PCDH11X: variants seen among roughly 807,000 people sequenced by gnomAD.
PCDH11X encodes the protein protocadherin-11 X-linked.
In PCDH11X, 18 loss-of-function variants were observed where a neutral mutation model predicts 53.3. The ratio of observed to expected loss-of-function variants is 0.34; its 90% CI spans 0.23 to 0.50. The LOEUF (loss-of-function observed/expected upper bound fraction) is 0.50, where lower values mean the gene tolerates loss of function less well. Among genes scored for constraint, PCDH11X ranks in the 20% least tolerant of loss-of-function variants. The probability of loss-of-function intolerance (pLI) is 0.98; values close to 1 mark genes in which losing one functional copy is unlikely to be tolerated. For synonymous variants in PCDH11X, 279 were observed against 393.3 expected (o/e 0.71, Z 3.44); for missense variants, 570 against 1,032.4 (o/e 0.55, Z 6.14).
At chrX:92,575,944 T>TATACAC (rs1363794960) in intron 10 of PCDH11X, among the ~76,000 whole-genome samples, 1 of 19,919 alleles carries the variant, frequency 5.0e-5, no homozygotes, top group Non-Finnish European at 8.2e-5. Flanking sequence ...TATATATATA[T>TATACAC]ACACACACAC....
intron 6 of PCDH11X, among the ~76,000 whole-genome samples, chrX:91,937,737 T>C (rs1425398923): frequency 2.7e-5 from 3 of 111,123 alleles, no homozygotes; most frequent in Non-Finnish European, 5.7e-5. Context: ...AGATCTTCCT[T>C]TATTCATTGT....
chrX:91,877,248 A>G lies in PCDH11X; in HGVS notation c.1008A>G (p.Pro336=). 1 of 1,075,468 alleles carries G rather than the reference A, an allele frequency of 9.3e-7. No individual in the cohort carries two copies. The highest frequency in any genetic ancestry group is 2.0e-5 in the African/African-American group (1 of 50,558). 88.6% of individuals were successfully genotyped at this position (1,075,468 alleles called of 1,213,427 possible). The change falls in exon 6 of 11, where the codon CCA becomes CCG. Residue 336 remains proline, a synonymous_variant. Transcript: ENST00000682573. The stretch of plus-strand genomic sequence containing the variant: ...TGGCAAGTGATGGTGGATTGATGCC[A>G]GCAAGAGCAATGGTGCTGGTAAATG... ...LVLASDGGLM[P]ARAMVLVNVT...
At chrX:92,228,533 G>A (rs186175807) in intron 7 of PCDH11X, among the ~76,000 whole-genome samples, 75 of 111,158 alleles carry the variant, frequency 6.7e-4, no homozygotes, top group African/African-American at 2.4e-3. Context: ...AGTCAAACCC[G>A]GGTTTCAATC....
chrX:92,032,083 C>A (rs1305763838), intron 6 of PCDH11X, among the ~76,000 whole-genome samples: 1 of 111,667 alleles, frequency 9.0e-6, no homozygotes. Flanking sequence ...GTAGTGTGGC[C>A]ATTTTAACAA....
intron 6 of PCDH11X, among the ~76,000 whole-genome samples, chrX:92,129,963 C>T (rs1388409160): frequency 9.0e-6 from 1 of 110,606 alleles, no homozygotes; most frequent in East Asian, 2.9e-4. Context: ...GGCTTATATG[C>T]GCACACGCAC....
At chrX:91,909,170 G>A (rs1299794228) in intron 6 of PCDH11X, among the ~76,000 whole-genome samples, 3 of 111,052 alleles carry the variant, frequency 2.7e-5, no homozygotes, top group Non-Finnish European at 5.7e-5. Context: ...GCTCCAAAAC[G>A]TGTATCCATT....
intron 6 of PCDH11X, among the ~76,000 whole-genome samples, chrX:92,095,140 C>T (rs2064114674): frequency 9.0e-6 from 1 of 110,808 alleles, no homozygotes; most frequent in African/African-American, 3.3e-5. Flanking sequence ...GGTGAAATTT[C>T]CAGCACAAAA....
At chrX:92,031,308 G>T (rs1034822132) in intron 6 of PCDH11X, among the ~76,000 whole-genome samples, 3 of 108,653 alleles carry the variant, frequency 2.8e-5, no homozygotes, top group African/African-American at 1.0e-4. Flanking sequence ...GAAATCTTTT[G>T]CCCATTTTTA....
intron 6 of PCDH11X, among the ~76,000 whole-genome samples, chrX:91,901,614 T>G (rs1050406951): frequency 6.4e-4 from 71 of 110,998 alleles, no homozygotes; most frequent in African/African-American, 2.3e-3. Flanking sequence ...AGAATATGAC[T>G]TATTATGTGA....
intron 10 of PCDH11X, among the ~76,000 whole-genome samples, chrX:92,518,782 A>T (rs1603354444): frequency 1.4e-5 from 1 of 72,392 alleles, no homozygotes; most frequent in Admixed American, 2.2e-4. Context: ...TTTGAGACGG[A>T]GTCTCGCTCT....
At chrX:92,108,070 G>T (rs2064424812) in intron 6 of PCDH11X, among the ~76,000 whole-genome samples, 1 of 112,023 alleles carries the variant, frequency 8.9e-6, no homozygotes, top group African/African-American at 3.2e-5. Flanking sequence ...TAATCATGAA[G>T]GATCCTTGGA....
intron 8 of PCDH11X, among the ~76,000 whole-genome samples, chrX:92,356,165 G>T (rs2070201099): frequency 9.0e-6 from 1 of 111,366 alleles, no homozygotes; most frequent in African/African-American, 3.3e-5. Context: ...GATGCACTAA[G>T]AATTCATTTA....
At chrX:92,403,345 T>G (rs1348941470) in intron 9 of PCDH11X, among the ~76,000 whole-genome samples, 4 of 88,524 alleles carry the variant, frequency 4.5e-5, no homozygotes, top group Admixed American at 1.5e-4. Flanking sequence ...TTTTGTTTTT[T>G]TTTTTTTTTT....
chrX:92,488,329 A>G (rs1355368171), intron 10 of PCDH11X, among the ~76,000 whole-genome samples: 2 of 111,393 alleles, frequency 1.8e-5, no homozygotes, highest in Non-Finnish European at 3.8e-5. Flanking sequence ...TGATGGCAGC[A>G]GTCTTGTCTG....
At chrX:92,134,847 G>A (rs1227760193) in intron 6 of PCDH11X, among the ~76,000 whole-genome samples, 2 of 110,700 alleles carry the variant, frequency 1.8e-5, no homozygotes, top group African/African-American at 6.6e-5. Flanking sequence ...TGGTTTTGGC[G>A]GGTTTTAGCT....
At chrX:92,385,120 A>G (rs2984109) in intron 8 of PCDH11X, among the ~76,000 whole-genome samples, 5,094 of 56,995 alleles carry the variant, frequency 0.089, 437 homozygotes, top group Non-Finnish European at 0.11. Context: ...AGTTGAAGCA[A>G]CTAAACTTTT....
intron 8 of PCDH11X, among the ~76,000 whole-genome samples, chrX:92,344,637 A>C (rs1353982160): frequency 2.0e-5 from 2 of 98,790 alleles, no homozygotes; most frequent in Non-Finnish European, 4.0e-5. Context: ...AGATTTCATA[A>C]ATACATCAAC....
intron 6 of PCDH11X, among the ~76,000 whole-genome samples, chrX:92,082,691 T>G (rs1446320797): frequency 9.0e-6 from 1 of 110,521 alleles, no homozygotes; most frequent in African/African-American, 3.3e-5. Flanking sequence ...AACTTAAATA[T>G]GAAATGCTTT....
At chrX:92,107,942 A>C (rs2064422151) in intron 6 of PCDH11X, among the ~76,000 whole-genome samples, 1 of 112,254 alleles carries the variant, frequency 8.9e-6, no homozygotes, top group Non-Finnish European at 1.9e-5. Flanking sequence ...TTAATTTATC[A>C]GTGCTATTTG....
Sources: allele counts gnomAD v4.1 joint callset (sites outside exome capture counted in the v4.1 genomes callset), GRCh38; gene constraint gnomAD v4.1.1; transcripts MANE v1.5; gene names NCBI Gene and HGNC (gene_info 2026-07-23, HGNC 2026-07-21).